The following CD72 variants were observed in gnomAD, a reference collection of about 807,000 sequenced individuals.
The protein encoded by CD72 is CD72 molecule, also known as B-cell differentiation antigen CD72.
In CD72, 28 loss-of-function variants were observed where a neutral mutation model predicts 50.7. The observed-to-expected ratio is 0.55, with a 90% CI of 0.41 to 0.76. CD72 has a LOEUF of 0.76. Among genes scored for constraint, CD72 ranks in the 30% least tolerant of loss-of-function variants. The probability of loss-of-function intolerance (pLI) is 0.00; values close to 1 mark genes in which losing one functional copy is unlikely to be tolerated. For synonymous variants in CD72, 176 were observed against 171.2 expected, an observed-to-expected ratio of 1.03 and a Z score of -0.22; for missense variants, 403 against 420.6, an observed-to-expected ratio of 0.96 and a Z score of 0.37.
At chr9:35,624,262 T>TAATAATAAA (rs1823175553), upstream of CD72, among the ~76,000 whole-genome samples, 1 of 138,674 alleles carries the variant, frequency 7.2e-6, no homozygotes, top group Non-Finnish European at 1.6e-5. Flanking sequence ...ATAATAATAA[T>TAATAATAAA]AAATTTAATT....
rs368693314 is a variant in CD72, at chr9:35,632,163, A to C, written n.409-14042T>G. On this transcript the variant is annotated intron_variant and non_coding_transcript_variant, in intron 1 of 3. Transcript: ENST00000465754. ...TTGATTTTCAGTTGTACTGTTTTAT[A>C]ATTCTTCAATTTTCTCCTCTTTTTT... is the stretch of plus-strand genomic sequence containing the variant. Among the ~76,000 whole-genome samples, 7 of 151,452 alleles carry C rather than the reference A, an allele frequency of 4.6e-5. No homozygotes were observed. The East Asian group carries it at 1.2e-3, about 25-fold the overall frequency.
intron 3 of CD72, 38 bp from the exon 4 acceptor site, chr9:35,616,727 C>T (rs1229427687): frequency 1.3e-6 from 2 of 1,539,550 alleles, no homozygotes; most frequent in Non-Finnish European, 9.0e-7. Context: ...GCAGTCAGCC[C>T]CCGTAAAGAA....
chr9:35,627,784 G>A (rs1018101992), intron 1 of CD72, among the ~76,000 whole-genome samples: 21 of 152,080 alleles, frequency 1.4e-4, no homozygotes, highest in Non-Finnish European at 1.0e-4. Context: ...CAGCACTGGG[G>A]ATTTTAGCTT....
intron 1 of CD72, among the ~76,000 whole-genome samples, chr9:35,640,132 C>A (rs530385503): frequency 2.0e-5 from 3 of 152,196 alleles, no homozygotes; most frequent in African/African-American, 7.2e-5. Context: ...AATTGGTGTA[C>A]TAAAAGCCAT....
At chr9:35,642,827 T>C (rs1823352024) in intron 1 of CD72, 1 of 152,200 alleles carries the variant, frequency 6.6e-6, no homozygotes, top group Admixed American at 6.5e-5. Flanking sequence ...GCTTTTGGGT[T>C]GCCGCCTTAT....
chr9:35,618,196 T>C, intron 1 of CD72, 26 bp downstream of exon 1: 1 of 1,611,116 alleles, frequency 6.2e-7, no homozygotes, highest in Non-Finnish European at 8.5e-7. Flanking sequence ...GGATGCAGGA[T>C]CAAGGGGAGG....
At chr9:35,639,024 CTT>C (rs111373051) in intron 1 of CD72, among the ~76,000 whole-genome samples, 35 of 140,964 alleles carry the variant, frequency 2.5e-4, no homozygotes, top group African/African-American at 2.1e-4. Flanking sequence ...CCGCCTTATT[CTT>C]TTTTTTTTTT....
intron 1 of CD72, among the ~76,000 whole-genome samples, chr9:35,628,676 G>A (rs1823217959): frequency 6.6e-6 from 1 of 152,234 alleles, no homozygotes; most frequent in South Asian, 2.1e-4. Context: ...AGAGGGCCAG[G>A]AGTGCTGGAG....
rs191305005 is a variant in CD72, at chr9:35,625,453, G to C, written n.409-7332C>G. 9.8e-5 allele frequency among the ~76,000 whole-genome samples: 15 copies of C among 152,318 alleles called. No individual in the cohort carries two copies. The East Asian group carries it at 2.9e-3, about 29-fold the overall frequency. Reference sequence around the variant, plus strand: ...CAGAGGTTGGTTCCTGAGGTTTAAGGAAAGAAGCCAGCTCTATAACATAAA... The same window carrying C: ...CAGAGGTTGGTTCCTGAGGTTTAAGCAAAGAAGCCAGCTCTATAACATAAA... On this transcript the variant is annotated intron_variant and non_coding_transcript_variant, in intron 1 of 3. Transcript: ENST00000465754.
At chr9:35,615,861 C>T in intron 5 of CD72, 82 bp downstream of exon 5, 1 of 1,124,328 alleles carries the variant, frequency 8.9e-7, no homozygotes, top group Non-Finnish European at 1.3e-6. Context: ...ACCTCACAGG[C>T]CCCTGGGTGA....
upstream of CD72, chr9:35,618,796 G>T (rs1051102330): frequency 3.7e-5 from 47 of 1,286,630 alleles, no homozygotes; most frequent in Non-Finnish European, 4.2e-5. Flanking sequence ...TGAGACTGGG[G>T]GTTCCTGGTT....
chr9:35,636,643 T>C (rs1310119441), intron 1 of CD72, among the ~76,000 whole-genome samples: 1 of 152,202 alleles, frequency 6.6e-6, no homozygotes, highest in Non-Finnish European at 1.5e-5. Context: ...CCTCTTCACC[T>C]ATAAGTAATT....
chr9:35,619,756 A>AG (rs2131772730), upstream of CD72, among the ~76,000 whole-genome samples: 1 of 152,318 alleles, frequency 6.6e-6, no homozygotes, highest in African/African-American at 2.4e-5. Context: ...GCCTGCCTGG[A>AG]GGAGGAAGCC....
intron 1 of CD72, among the ~76,000 whole-genome samples, chr9:35,624,771 A>C (rs543849195): frequency 6.6e-6 from 1 of 152,302 alleles, no homozygotes; most frequent in South Asian, 2.1e-4. Context: ...GTGTCATCAC[A>C]TTTTGGTAAT....
chr9:35,612,656 C>A, intron 6 of CD72, 192 bp downstream of exon 6: 1 of 556,722 alleles, frequency 1.8e-6, no homozygotes, highest in South Asian at 2.7e-5. Context: ...TAGGGGCTGC[C>A]TGGACCACTG....
intron 1 of CD72, among the ~76,000 whole-genome samples, chr9:35,625,929 T>C (rs1044969522): frequency 2.0e-5 from 3 of 152,194 alleles, no homozygotes; most frequent in Admixed American, 6.5e-5. Flanking sequence ...AAGATATTAC[T>C]GCTCATTGGC....
intron 1 of CD72, chr9:35,643,578 GC>G (rs1043443751): frequency 1.3e-5 from 2 of 152,128 alleles, no homozygotes; most frequent in Admixed American, 6.6e-5. Flanking sequence ...CAAAGAGATG[GC>G]CCCCAACTAT....
chr9:35,630,036 C>T (rs78474825), intron 1 of CD72, among the ~76,000 whole-genome samples: 55 of 128,918 alleles, frequency 4.3e-4, no homozygotes, highest in Non-Finnish European at 6.5e-4. Context: ...AATTTCTTTT[C>T]TTTTTTTTTT....
chr9:35,645,399 C>T (rs1009834290), intron 1 of CD72, among the ~76,000 whole-genome samples: 2 of 151,828 alleles, frequency 1.3e-5, no homozygotes, highest in Admixed American at 6.6e-5. Flanking sequence ...CTGGCCAACA[C>T]GGTGAAACCC....
Sources: allele counts gnomAD v4.1 joint callset (sites outside exome capture counted in the v4.1 genomes callset), GRCh38; gene constraint gnomAD v4.1.1; transcripts MANE v1.5; gene names NCBI Gene and HGNC (gene_info 2026-07-23, HGNC 2026-07-21).